RAI14: variants seen among roughly 807,000 people sequenced by gnomAD.
RAI14 encodes ankycorbin.
Under a neutral mutation model 115.4 loss-of-function variants are expected in RAI14, and 45 were observed. The ratio of observed to expected loss-of-function variants is 0.39; its 90% CI spans 0.31 to 0.50. The LOEUF (loss-of-function observed/expected upper bound fraction) is 0.50. Ranked by LOEUF, RAI14 falls within the 20% of genes least tolerant of loss-of-function variation. RAI14 has a pLI of 0.85. For synonymous variants in RAI14, 371 were observed against 415.4 expected, an observed-to-expected ratio of 0.89 and a Z score of 1.30; for missense variants, 939 against 1,131.2, an observed-to-expected ratio of 0.83 and a Z score of 2.44.
chr5:34,665,855 A>G (rs1418708877), intron 1 of RAI14, among the ~76,000 whole-genome samples: 2 of 152,174 alleles, frequency 1.3e-5, no homozygotes, highest in Admixed American at 1.3e-4. Context: ...TCGAAAACCT[A>G]TCATACATGA....
chr5:34,799,481 A>G (rs1367599652), intron 4 of RAI14, among the ~76,000 whole-genome samples: 1 of 116,434 alleles, frequency 8.6e-6, no homozygotes, highest in South Asian at 2.8e-4. Context: ...AAAAAAACAA[A>G]ACACACACAC....
At chr5:34,772,806 A>G (rs1750345252) in intron 3 of RAI14, among the ~76,000 whole-genome samples, 1 of 152,178 alleles carries the variant, frequency 6.6e-6, no homozygotes. Flanking sequence ...CTTTCTCTTC[A>G]GGAAAAAGAA....
chr5:34,731,360 A>G (rs1449197471), intron 2 of RAI14, among the ~76,000 whole-genome samples: 1 of 152,236 alleles, frequency 6.6e-6, no homozygotes, highest in Non-Finnish European at 1.5e-5. Context: ...TTTGTCTAAC[A>G]AAGTAATATT....
At chr5:34,727,046 G>A (rs1743556887) in intron 2 of RAI14, among the ~76,000 whole-genome samples, 1 of 152,194 alleles carries the variant, frequency 6.6e-6, no homozygotes, top group Non-Finnish European at 1.5e-5. Flanking sequence ...GAAGAAGACA[G>A]GAAGATGTGG....
intron 1 of RAI14, among the ~76,000 whole-genome samples, chr5:34,674,197 T>A (rs1743813447): frequency 1.3e-5 from 2 of 152,218 alleles, no homozygotes; most frequent in Admixed American, 6.5e-5. Context: ...TTTCTGGACT[T>A]TCCTTCCACT....
intron 3 of RAI14, among the ~76,000 whole-genome samples, chr5:34,773,643 T>A (rs1236049199): frequency 6.6e-6 from 1 of 151,990 alleles, no homozygotes; most frequent in Non-Finnish European, 1.5e-5. Flanking sequence ...GCCACAGCTA[T>A]ATGAAAAAAA....
rs1395903893 is a variant in RAI14, at chr5:34,831,794, G to A, written c.*1029G>A. Reference sequence around the variant, plus strand: ...TAGTTATGTATGCCAGACCTAATATGAGCTGCCACCAACACCCCTAGAACT... The same window carrying A: ...TAGTTATGTATGCCAGACCTAATATAAGCTGCCACCAACACCCCTAGAACT... On this transcript the variant is annotated 3_prime_UTR_variant, in exon 18 of 18. Coordinates refer to ENST00000265109, the MANE Select transcript of RAI14 (RefSeq NM_015577.3). The A allele has an allele frequency of 6.6e-6, 1 of 152,140 alleles. No individual in the cohort carries two copies. Among genetic ancestry groups the A allele is most frequent in the Admixed American group, 6.5e-5 (1 of 15,284 alleles). The allele number at this position is 152,140 out of a possible 1,614,324, so 9.4% of individuals were successfully genotyped here. A position where few individuals can be genotyped will look rare whatever the true frequency, so the allele number is the denominator to read the frequency against.
intron 2 of RAI14, among the ~76,000 whole-genome samples, chr5:34,696,616 G>A (rs10044145): frequency 0.18 from 27,508 of 152,146 alleles, 2,757 homozygotes; most frequent in East Asian, 0.32. Flanking sequence ...GGGGATGATT[G>A]ACTCAGCCAC....
intron 2 of RAI14, among the ~76,000 whole-genome samples, chr5:34,723,987 C>T (rs1004883908): frequency 6.6e-6 from 1 of 152,066 alleles, no homozygotes; most frequent in East Asian, 1.9e-4. Context: ...TTTATTATGG[C>T]ATAAAGCAGT....
chr5:34,748,093 AG>A (rs1270850950), intron 2 of RAI14, among the ~76,000 whole-genome samples: 1 of 152,176 alleles, frequency 6.6e-6, no homozygotes, highest in Non-Finnish European at 1.5e-5. Flanking sequence ...CAGAGGGACC[AG>A]CCTGTTTCTG....
chr5:34,661,891 T>C (rs993484917), intron 1 of RAI14, among the ~76,000 whole-genome samples: 3 of 152,220 alleles, frequency 2.0e-5, no homozygotes, highest in African/African-American at 7.2e-5. Context: ...GCTCAAGTGA[T>C]CCTCCCACCT....
intron 2 of RAI14, chr5:34,687,800 T>C: frequency 6.7e-7 from 1 of 1,495,616 alleles, no homozygotes; most frequent in South Asian, 1.2e-5. Flanking sequence ...ATTTTATTGC[T>C]TTGCCGTGAA....
At chr5:34,811,199 T>G in intron 8 of RAI14, 81 bp downstream of exon 8, 1 of 1,452,628 alleles carries the variant, frequency 6.9e-7, no homozygotes, top group Non-Finnish European at 9.5e-7. Context: ...ACAGCTATAT[T>G]TTGGATCATT....
rs181172004 is a variant in RAI14 at position 34,717,420 on chromosome 5, G to A, written c.36+30465G>A. Among the ~76,000 whole-genome samples the A allele has an allele frequency of 6.0e-3, 919 of 152,274 alleles. 12 individuals carry two copies. The highest frequency in any genetic ancestry group is 9.9e-3 in the Non-Finnish European group (673 of 68,022). Reference sequence around the variant, plus strand: ...TTAATACAATGCAGTTTTATGAGGCGGAATATCTTAGTTGTTTGACCCTAA... The same window carrying A: ...TTAATACAATGCAGTTTTATGAGGCAGAATATCTTAGTTGTTTGACCCTAA... On this transcript the variant is annotated intron_variant, in intron 2 of 17. Transcript: ENST00000265109.
At chr5:34,658,181 G>GA (rs1180192627) in intron 1 of RAI14, among the ~76,000 whole-genome samples, 1 of 152,212 alleles carries the variant, frequency 6.6e-6, no homozygotes, top group East Asian at 1.9e-4. Context: ...AACCCTGCTG[G>GA]AAAATCTTAT....
intron 5 of RAI14, 98 bp from the exon 6 acceptor site, chr5:34,807,702 C>A (rs1755094725): frequency 3.2e-6 from 3 of 936,610 alleles, no homozygotes; most frequent in African/African-American, 3.2e-5. Context: ...TAATAGTCTT[C>A]CTAATAAGTC....
At chr5:34,706,942 C>T (rs779617776) in intron 2 of RAI14, among the ~76,000 whole-genome samples, 3 of 152,296 alleles carry the variant, frequency 2.0e-5, no homozygotes, top group Non-Finnish European at 4.4e-5. Flanking sequence ...TCTTGCCCTA[C>T]CCCGCATCAA....
At chr5:34,703,065 T>A (rs2149936687) in intron 2 of RAI14, among the ~76,000 whole-genome samples, 1 of 152,324 alleles carries the variant, frequency 6.6e-6, no homozygotes, top group East Asian at 1.9e-4. Flanking sequence ...AGAAACAAAG[T>A]GTAACCCAGA....
chr5:34,767,140 A>G lies in RAI14; in HGVS notation c.167+9542A>G, dbSNP rs748934039. On this transcript the variant is annotated intron_variant, in intron 3 of 17. Coordinates refer to ENST00000265109, the MANE Select transcript of RAI14 (RefSeq NM_015577.3). Reference sequence around the variant, plus strand: ...AGCAGCATAAAAACAGACTAATACAATTGCTAAGATCACAGCATTTTTCAT... The same window carrying G: ...AGCAGCATAAAAACAGACTAATACAGTTGCTAAGATCACAGCATTTTTCAT... Among the ~76,000 whole-genome samples the G allele has an allele frequency of 2.0e-5, 3 of 152,192 alleles. No individual in the cohort carries two copies. The South Asian group carries it at 6.2e-4, about 32-fold the overall frequency.
Sources: allele counts gnomAD v4.1 joint callset (sites outside exome capture counted in the v4.1 genomes callset), GRCh38; gene constraint gnomAD v4.1.1; transcripts MANE v1.5; gene names NCBI Gene and HGNC (gene_info 2026-07-23, HGNC 2026-07-21).